The following ESRRB variants were observed in gnomAD, a reference collection of about 807,000 sequenced individuals.
ESRRB encodes the protein steroid hormone receptor ERR2.
Under a neutral mutation model 46.0 loss-of-function variants are expected in ESRRB, and 16 were observed. That is an observed-to-expected ratio of 0.35 (90% CI 0.24 to 0.53). The LOEUF is 0.53. Ranked by LOEUF, ESRRB falls within the 20% of genes least tolerant of loss-of-function variation. The pLI is 0.93. For synonymous variants in ESRRB, 246 were observed against 259.6 expected (o/e 0.95, Z 0.50); for missense variants, 488 against 607.4 (o/e 0.80, Z 2.07).
At chr14:76,366,928 C>T (rs1209193825), upstream of ESRRB, among the ~76,000 whole-genome samples, 2 of 152,202 alleles carry the variant, frequency 1.3e-5, no homozygotes, top group African/African-American at 4.8e-5. Flanking sequence ...TCACTGTACT[C>T]ACTGTGTGCC....
intron 1 of ESRRB, among the ~76,000 whole-genome samples, chr14:76,364,646 C>T (rs770062598): frequency 6.6e-6 from 1 of 151,236 alleles, no homozygotes; most frequent in Non-Finnish European, 1.5e-5. Flanking sequence ...GAGGTGAGAT[C>T]ACACCACTGC....
intron 6 of ESRRB, among the ~76,000 whole-genome samples, chr14:76,493,877 C>T (rs1436958048): frequency 6.6e-6 from 1 of 152,202 alleles, no homozygotes; most frequent in Non-Finnish European, 1.5e-5. Flanking sequence ...TCTGCCTTGC[C>T]CAGAGGGTTA....
At chr14:76,421,702 T>C (rs1886962017) in intron 1 of ESRRB, among the ~76,000 whole-genome samples, 1 of 152,138 alleles carries the variant, frequency 6.6e-6, no homozygotes. Flanking sequence ...GGGCACAGGC[T>C]AGGTTAGGTG....
chr14:76,369,496 A>T (rs529636258), upstream of ESRRB, among the ~76,000 whole-genome samples: 1 of 151,782 alleles, frequency 6.6e-6, no homozygotes, highest in East Asian at 2.0e-4. Flanking sequence ...GTGGTCTCAA[A>T]CTCCTGAGCT....
chr14:76,398,006 C>A (rs1375463606), intron 1 of ESRRB, among the ~76,000 whole-genome samples: 2 of 152,232 alleles, frequency 1.3e-5, no homozygotes, highest in Admixed American at 6.5e-5. Context: ...AGAGGATGGG[C>A]ACATGCAGGG....
chr14:76,360,188 C>T (rs1234581061), intron 1 of ESRRB, among the ~76,000 whole-genome samples: 1 of 152,102 alleles, frequency 6.6e-6, no homozygotes, highest in Non-Finnish European at 1.5e-5. Flanking sequence ...GTCCCCAGTG[C>T]ACTGTCACAT....
intron 1 of ESRRB, among the ~76,000 whole-genome samples, chr14:76,416,707 G>A (rs1325119564): frequency 1.3e-5 from 2 of 152,074 alleles, no homozygotes; most frequent in East Asian, 3.9e-4. Context: ...GACCTCAGGT[G>A]ATCCACCCGC....
intron 1 of ESRRB, among the ~76,000 whole-genome samples, chr14:76,401,698 T>C (rs76756022): frequency 0.015 from 2,312 of 152,278 alleles, 61 homozygotes; most frequent in African/African-American, 0.053. Flanking sequence ...AGCAATAGGC[T>C]TTACCATACA....
chr14:76,346,385 G>C (rs1884250179), intron 1 of ESRRB, among the ~76,000 whole-genome samples: 1 of 152,170 alleles, frequency 6.6e-6, no homozygotes, highest in South Asian at 2.1e-4. Flanking sequence ...AATCCCCAAA[G>C]GCCAGACCCT....
chr14:76,406,038 C>T (rs146807129), intron 1 of ESRRB, among the ~76,000 whole-genome samples: 4 of 152,312 alleles, frequency 2.6e-5, no homozygotes, highest in African/African-American at 7.2e-5. Flanking sequence ...TTTAATTACA[C>T]ATTTAAACAT....
At chr14:76,403,555 G>T (rs1391102238) in intron 1 of ESRRB, among the ~76,000 whole-genome samples, 1 of 152,074 alleles carries the variant, frequency 6.6e-6, no homozygotes, top group East Asian at 1.9e-4. Context: ...AGAGGGAAAG[G>T]CAGAGCATAG....
intron 2 of ESRRB, among the ~76,000 whole-genome samples, chr14:76,458,458 A>ACACG (rs1221493053): frequency 1.2e-5 from 1 of 82,908 alleles, no homozygotes; most frequent in African/African-American, 5.1e-5. Context: ...ACACACACAC[A>ACACG]CACACACACA....
At chr14:76,466,078 A>G (rs558978124) in intron 3 of ESRRB, among the ~76,000 whole-genome samples, 2 of 152,190 alleles carry the variant, frequency 1.3e-5, no homozygotes, top group East Asian at 3.9e-4. Context: ...GCGTGGGCTC[A>G]TCGCCCACCT....
At chr14:76,478,443 T>C (rs1235955272) in intron 3 of ESRRB, among the ~76,000 whole-genome samples, 1 of 151,994 alleles carries the variant, frequency 6.6e-6, no homozygotes, top group Non-Finnish European at 1.5e-5. Flanking sequence ...CACCTCTTTT[T>C]ATTTTGTGTT....
At chr14:76,494,050 C>T (rs770332201) in intron 6 of ESRRB, among the ~76,000 whole-genome samples, 4 of 152,218 alleles carry the variant, frequency 2.6e-5, no homozygotes, top group Non-Finnish European at 4.4e-5. Flanking sequence ...CTCCTGAACA[C>T]ATGCCCCCCG....
At chr14:76,403,689 T>A (rs972779015) in intron 1 of ESRRB, among the ~76,000 whole-genome samples, 12 of 151,710 alleles carry the variant, frequency 7.9e-5, no homozygotes, top group Non-Finnish European at 1.6e-4. Context: ...GCCAGAGAGG[T>A]GGAGGTGGTG....
intron 1 of ESRRB, among the ~76,000 whole-genome samples, chr14:76,338,535 A>G (rs76277562): frequency 0.078 from 11,940 of 152,328 alleles, 573 homozygotes; most frequent in East Asian, 0.17. Context: ...GTCCCTGGCA[A>G]AGCTGGGTAT....
intron 1 of ESRRB, among the ~76,000 whole-genome samples, chr14:76,348,741 A>G (rs1421592049): frequency 6.6e-6 from 1 of 152,182 alleles, no homozygotes; most frequent in African/African-American, 2.4e-5. Context: ...TGTGTTAAAT[A>G]AATATGGGTG....
chr14:76,395,285 A>G (rs898425607), intron 1 of ESRRB, among the ~76,000 whole-genome samples: 5 of 152,154 alleles, frequency 3.3e-5, no homozygotes, highest in Non-Finnish European at 1.5e-5. Context: ...GCCTGTGTCC[A>G]AGGTCAGTAC....
Sources: gnomAD v4.1 joint callset for allele counts (sites outside exome capture counted in the v4.1 genomes callset) on GRCh38, gnomAD v4.1.1 for gene constraint, MANE v1.5 for transcripts, NCBI Gene and HGNC (gene_info 2026-07-23, HGNC 2026-07-21) for gene names.